ATP10A: variants seen among roughly 807,000 people sequenced by gnomAD.
The protein encoded by ATP10A is phospholipid-transporting ATPase VA.
ATP10A carries 111 observed loss-of-function variants against 147.8 expected under a neutral mutation model. That is an observed-to-expected ratio of 0.75 (90% CI 0.64 to 0.88). The LOEUF is 0.88. Ranked by LOEUF, ATP10A falls within the 40% of genes least tolerant of loss-of-function variation. The pLI is 0.00. For missense variants in ATP10A, 1,927 were observed against 1,959.0 expected (o/e 0.98, Z 0.31); for synonymous variants, 875 against 841.6 (o/e 1.04, Z -0.69).
intron 2 of ATP10A, among the ~76,000 whole-genome samples, chr15:25,751,040 A>G (rs1158086112): frequency 3.3e-5 from 5 of 152,100 alleles, no homozygotes. Context: ...ATTAAAAGGC[A>G]GACTCGTTTT....
At position 25,740,456 on chromosome 15, in the gene ATP10A, T is replaced by G. The variant is rs186967233; in HGVS notation, c.655-4315A>C. Among the ~76,000 whole-genome samples, 14 of 152,164 alleles carry G rather than the reference T, an allele frequency of 9.2e-5. No homozygotes were observed. The East Asian group carries it at 2.5e-3, about 27-fold the overall frequency. On this transcript the variant is annotated intron_variant, in intron 2 of 20. Transcript: ENST00000555815. ...GGCAGAGAGAACCCTGGTGAGAGAATGCACAGAGAGCAGGGGCCAGCACCT... is the reference window on the plus strand; with the variant it reads ...GGCAGAGAGAACCCTGGTGAGAGAAGGCACAGAGAGCAGGGGCCAGCACCT...
intron 17 of ATP10A, 92 bp from the exon 18 acceptor site, chr15:25,681,166 A>AAAC: frequency 8.0e-7 from 1 of 1,242,972 alleles, no homozygotes; most frequent in Non-Finnish European, 1.1e-6. Flanking sequence ...CTTGTGTTAA[A>AAAC]AACAACAACA....
intron 2 of ATP10A, among the ~76,000 whole-genome samples, chr15:25,763,697 G>A (rs1596838382): frequency 1.3e-5 from 2 of 152,294 alleles, no homozygotes; most frequent in East Asian, 1.9e-4. Context: ...GGAAGCACAG[G>A]ATCAGTGCAA....
At chr15:25,684,962 A>G (rs1462900284) in intron 16 of ATP10A, among the ~76,000 whole-genome samples, 4 of 152,170 alleles carry the variant, frequency 2.6e-5, no homozygotes, top group Non-Finnish European at 5.9e-5. Flanking sequence ...CTGAAAACGA[A>G]CATTTGGTTT....
chr15:25,854,310 T>C (rs1893416477), intron 1 of ATP10A, among the ~76,000 whole-genome samples: 2 of 152,142 alleles, frequency 1.3e-5, no homozygotes, highest in South Asian at 2.1e-4. Context: ...TATCCACTGA[T>C]CATCCCCAGA....
At position 25,781,159 on chromosome 15, in the gene ATP10A, G is replaced by A. The variant is rs1381646630; in HGVS notation, c.514C>T (p.Arg172Cys). 13 of 1,614,090 alleles carry A rather than the reference G, an allele frequency of 8.1e-6. No homozygotes were observed. The highest frequency in any genetic ancestry group is 4.4e-5 in the South Asian group (4 of 91,088). The change falls in exon 2 of 21, where the codon CGC becomes TGC. Residue 172 changes from arginine to cysteine, a missense_variant. By Grantham distance (180) the Arg-to-Cys change is radical. Coordinates refer to ENST00000555815, the MANE Select transcript of ATP10A (RefSeq NM_024490.4). ...TCCGCAGGGAAGATTTCGTTGCAGC[G>A]AAGACGCACAAAGTCTCCCACGTGG... Reference protein sequence around the residue: ...EIHVGDFVRLRCNEIFPADIL... With the variant: ...EIHVGDFVRLCCNEIFPADIL...
chr15:25,716,354 C>T (rs1004495190), intron 9 of ATP10A, among the ~76,000 whole-genome samples: 4 of 152,164 alleles, frequency 2.6e-5, no homozygotes, highest in Non-Finnish European at 5.9e-5. Flanking sequence ...TCCCTCTGGC[C>T]CTGCCCCAGG....
chr15:25,789,164 G>A (rs952622841), intron 1 of ATP10A, among the ~76,000 whole-genome samples: 1 of 152,140 alleles, frequency 6.6e-6, no homozygotes, highest in African/African-American at 2.4e-5. Flanking sequence ...GTTTCACCAT[G>A]TTGCCCAGAC....
intron 2 of ATP10A, among the ~76,000 whole-genome samples, chr15:25,764,603 A>C (rs570636400): frequency 6.6e-6 from 1 of 152,324 alleles, no homozygotes; most frequent in South Asian, 2.1e-4. Flanking sequence ...CGCCAGATCT[A>C]CTGGCGCCTC....
In ATP10A at chr15:25,778,150, G is replaced by A. The variant is rs143645838; in HGVS notation, c.654+2869C>T. Among the ~76,000 whole-genome samples the A allele has an allele frequency of 2.7e-3, 408 of 151,976 alleles. 1 individual carries two copies. Among genetic ancestry groups the A allele is most frequent in the African/African-American group, 8.4e-3 (347 of 41,450 alleles). On this transcript the variant is annotated intron_variant, in intron 2 of 20. Coordinates refer to ENST00000555815, the MANE Select transcript of ATP10A (RefSeq NM_024490.4). ...GCCCGCTCTTCTCCTTAACCTAAGC[G>A]TTGCAAATCACTTCTAATTTAAGTG...
chr15:25,819,333 C>T (rs1170041435), intron 1 of ATP10A, among the ~76,000 whole-genome samples: 3 of 152,140 alleles, frequency 2.0e-5, no homozygotes, highest in Non-Finnish European at 4.4e-5. Flanking sequence ...TGCTCAACGT[C>T]ACTAATCATC....
intron 2 of ATP10A, among the ~76,000 whole-genome samples, chr15:25,743,592 A>C (rs972074242): frequency 3.3e-5 from 5 of 152,218 alleles, no homozygotes; most frequent in Admixed American, 2.6e-4. Context: ...CATGAGACAC[A>C]TGTTGGTGCT....
chr15:25,718,378 T>C lies in ATP10A; in HGVS notation c.1385A>G (p.Gln462Arg). 6.2e-7 allele frequency: 1 copy of C among 1,605,686 alleles called. No individual in the cohort carries two copies. The highest frequency in any genetic ancestry group is 8.5e-7 in the Non-Finnish European group (1 of 1,178,266). Residue 462 changes from glutamine (Q) to arginine (R), a missense_variant, in exon 8 of 21, where the codon CAA becomes CGA. By Grantham distance (43) the Gln-to-Arg change is conservative. Transcript: ENST00000555815. ...DANAQRLARYQEADSEEEEVV... is the reference protein window; with the variant it reads ...DANAQRLARYREADSEEEEVV... ...CTCCTCCTCCTCCGAGTCTGCCTCTTGGTACCTGGCCAGACGCTGCGCTGC... is the reference window on the plus strand; with the variant it reads ...CTCCTCCTCCTCCGAGTCTGCCTCTCGGTACCTGGCCAGACGCTGCGCTGC...
chr15:25,745,589 G>A (rs1011260210), intron 2 of ATP10A, among the ~76,000 whole-genome samples: 3 of 151,930 alleles, frequency 2.0e-5, no homozygotes, highest in African/African-American at 7.3e-5. Context: ...AAGGAAATTG[G>A]CCTGATGAAA....
intron 13 of ATP10A, among the ~76,000 whole-genome samples, chr15:25,698,214 A>G (rs1215045355): frequency 6.6e-6 from 1 of 152,226 alleles, no homozygotes; most frequent in Admixed American, 6.5e-5. Flanking sequence ...GATCAGTAAC[A>G]ATAAATTATG....
chr15:25,821,910 C>T (rs1891908859), intron 1 of ATP10A, among the ~76,000 whole-genome samples: 1 of 152,078 alleles, frequency 6.6e-6, no homozygotes, highest in Non-Finnish European at 1.5e-5. Context: ...ATACTGTGTA[C>T]CTTTTAGAAT....
chr15:25,837,860 A>AGTGGGGAAGACGG (rs1199360729), intron 1 of ATP10A, among the ~76,000 whole-genome samples: 1 of 152,204 alleles, frequency 6.6e-6, no homozygotes, highest in African/African-American at 2.4e-5. Flanking sequence ...GGAGCCAGGC[A>AGTGGGGAAGACGG]GTGGGGAAGA....
At chr15:25,786,807 T>TTTG in intron 1 of ATP10A, among the ~76,000 whole-genome samples, 1 of 149,308 alleles carries the variant, frequency 6.7e-6, no homozygotes, top group African/African-American at 2.5e-5. Context: ...TTTTTTTTTT[T>TTTG]TGTATTTTTA....
intron 12 of ATP10A, 55 bp downstream of exon 12, chr15:25,707,921 G>C: frequency 6.3e-7 from 1 of 1,595,038 alleles, no homozygotes. Context: ...CCCCTCCAGG[G>C]CCGTCCCTGC....
Sources: gnomAD v4.1 joint callset for allele counts (sites outside exome capture counted in the v4.1 genomes callset) on GRCh38, gnomAD v4.1.1 for gene constraint, MANE v1.5 for transcripts, NCBI Gene and HGNC (gene_info 2026-07-23, HGNC 2026-07-21) for gene names.